The following PCED1B variants were observed in gnomAD, a reference collection of about 807,000 sequenced individuals.
The protein encoded by PCED1B is PC-esterase domain-containing protein 1B.
For missense variants in PCED1B, 573 were observed against 573.9 expected (o/e 1.00, Z 0.02); for synonymous variants, 251 against 246.1 (o/e 1.02, Z -0.19).
At chr12:47,153,355 CAAAAA>C (rs11299918) in intron 2 of PCED1B, among the ~76,000 whole-genome samples, 2 of 95,266 alleles carry the variant, frequency 2.1e-5, no homozygotes, top group Admixed American at 1.2e-4. Context: ...GACTCCTTCT[CAAAAA>C]AAAAAAAAAA....
At chr12:47,116,961 C>T (rs1157223412) in intron 2 of PCED1B, among the ~76,000 whole-genome samples, 1 of 152,140 alleles carries the variant, frequency 6.6e-6, no homozygotes, top group Admixed American at 6.6e-5. Context: ...GGAATATTTT[C>T]ATCACCTCAG....
Position 47,196,164 on chromosome 12 carries a change from A to T in PCED1B, c.-525-20058A>T, listed in dbSNP as rs1007467027. ...AGAGTGTTTATGTGTGTAACTTTTT[A>T]AAAATATGTAACCATAAAAAAGTAG... On this transcript the variant is annotated intron_variant, in intron 2 of 3. Transcript: ENST00000546455. 2.0e-5 allele frequency among the ~76,000 whole-genome samples: 3 copies of T among 152,364 alleles called. No individual in the cohort carries two copies. The East Asian group carries it at 5.8e-4, about 29-fold the overall frequency.
At chr12:47,202,453 G>GT (rs1942790231) in intron 2 of PCED1B, among the ~76,000 whole-genome samples, 1 of 152,066 alleles carries the variant, frequency 6.6e-6, no homozygotes, top group Admixed American at 6.6e-5. Flanking sequence ...TCAGAACTTT[G>GT]TATCTCTAGT....
chr12:47,213,194 A>C (rs1943146413), intron 2 of PCED1B, among the ~76,000 whole-genome samples: 1 of 152,224 alleles, frequency 6.6e-6, no homozygotes, highest in South Asian at 2.1e-4. Flanking sequence ...AATCGAACTC[A>C]TGAGAAGTTT....
At chr12:47,211,999 C>G (rs1442591893) in intron 2 of PCED1B, among the ~76,000 whole-genome samples, 97 of 147,746 alleles carry the variant, frequency 6.6e-4, no homozygotes, top group African/African-American at 2.4e-3. Context: ...GGCGTGAACC[C>G]GGGAGGCGGA....
chr12:47,187,582 T>C (rs970571199), intron 2 of PCED1B, among the ~76,000 whole-genome samples: 1 of 152,172 alleles, frequency 6.6e-6, no homozygotes, highest in Non-Finnish European at 1.5e-5. Context: ...AATGTGTCAA[T>C]ATTTTAAAAT....
intron 2 of PCED1B, among the ~76,000 whole-genome samples, chr12:47,212,531 C>T (rs1164742380): frequency 6.6e-6 from 1 of 152,120 alleles, no homozygotes; most frequent in African/African-American, 2.4e-5. Context: ...CAGACAGTTG[C>T]TCAATCTCCC....
At chr12:47,101,972 T>C (rs1262346424) in intron 1 of PCED1B, among the ~76,000 whole-genome samples, 4 of 152,176 alleles carry the variant, frequency 2.6e-5, no homozygotes, top group African/African-American at 9.6e-5. Flanking sequence ...GGGGAAGATT[T>C]GAATTTATTA....
intron 2 of PCED1B, among the ~76,000 whole-genome samples, chr12:47,121,640 C>G (rs1262630130): frequency 6.6e-6 from 1 of 152,146 alleles, no homozygotes; most frequent in Non-Finnish European, 1.5e-5. Flanking sequence ...GTTGGCTGCT[C>G]TGCCTTAGGA....
intron 2 of PCED1B, among the ~76,000 whole-genome samples, chr12:47,212,439 T>G (rs1044939231): frequency 4.6e-5 from 7 of 152,212 alleles, no homozygotes; most frequent in Middle Eastern, 3.2e-3. Flanking sequence ...AAAAAATTCA[T>G]GAACTATAGC....
intron 2 of PCED1B, among the ~76,000 whole-genome samples, chr12:47,142,089 AG>A (rs1940615552): frequency 6.6e-6 from 1 of 152,174 alleles, no homozygotes; most frequent in Non-Finnish European, 1.5e-5. Flanking sequence ...CTGTAGACCA[AG>A]CTTCGAACCC....
intron 2 of PCED1B, among the ~76,000 whole-genome samples, chr12:47,179,997 A>G (rs562811650): frequency 1.3e-5 from 2 of 152,140 alleles, no homozygotes; most frequent in African/African-American, 4.8e-5. Flanking sequence ...TTTGTTACAT[A>G]TGCAAACATG....
intron 2 of PCED1B, among the ~76,000 whole-genome samples, chr12:47,132,926 G>T (rs924936297): frequency 6.6e-6 from 1 of 152,116 alleles, no homozygotes; most frequent in Non-Finnish European, 1.5e-5. Flanking sequence ...CATTCAAGGG[G>T]GGAAATGGTG....
intron 2 of PCED1B, among the ~76,000 whole-genome samples, chr12:47,204,553 T>C (rs551353645): frequency 6.6e-6 from 1 of 152,320 alleles, no homozygotes; most frequent in Non-Finnish European, 1.5e-5. Context: ...TTGTATCTCA[T>C]GTCTGGTCCC....
chr12:47,161,110 A>G (rs2137503834), intron 2 of PCED1B, among the ~76,000 whole-genome samples: 1 of 152,340 alleles, frequency 6.6e-6, no homozygotes, highest in African/African-American at 2.4e-5. Context: ...TCTTGAACTT[A>G]CCAGCTTGCA....
intron 2 of PCED1B, among the ~76,000 whole-genome samples, chr12:47,172,420 G>A (rs11183770): frequency 6.8e-6 from 1 of 147,330 alleles, no homozygotes; most frequent in African/African-American, 2.5e-5. Context: ...ACTGAGCCGA[G>A]ATTGCACCAT....
intron 1 of PCED1B, among the ~76,000 whole-genome samples, chr12:47,085,221 C>A (rs1186441458): frequency 1.3e-5 from 2 of 152,180 alleles, no homozygotes; most frequent in East Asian, 3.9e-4. Flanking sequence ...TTGACTATTT[C>A]TAAAGTTCCT....
At chr12:47,174,649 A>C (rs1941865210) in intron 2 of PCED1B, among the ~76,000 whole-genome samples, 1 of 152,214 alleles carries the variant, frequency 6.6e-6, no homozygotes, top group Admixed American at 6.5e-5. Flanking sequence ...CCCATGCCTA[A>C]AATTAATGAA....
intron 2 of PCED1B, among the ~76,000 whole-genome samples, chr12:47,133,526 T>C (rs939935221): frequency 2.0e-5 from 3 of 152,194 alleles, no homozygotes; most frequent in African/African-American, 7.2e-5. Flanking sequence ...AAAGAATGAC[T>C]GTGTGAGATG....
Sources: gnomAD v4.1 joint callset for allele counts (sites outside exome capture counted in the v4.1 genomes callset) on GRCh38, gnomAD v4.1.1 for gene constraint, MANE v1.5 for transcripts, NCBI Gene and HGNC (gene_info 2026-07-23, HGNC 2026-07-21) for gene names.